PPP2R5A: variants seen among roughly 807,000 people sequenced by gnomAD.
The protein encoded by PPP2R5A is protein phosphatase 2 regulatory subunit B'alpha.
Under a neutral mutation model 64.2 loss-of-function variants are expected in PPP2R5A, and 25 were observed. The observed-to-expected ratio is 0.39, with a 90% CI of 0.28 to 0.54. The LOEUF (loss-of-function observed/expected upper bound fraction) is 0.54, where lower values mean the gene tolerates loss of function less well. Ranked by LOEUF, PPP2R5A falls within the 20% of genes least tolerant of loss-of-function variation. The pLI is 0.67. For synonymous variants in PPP2R5A, 198 were observed against 201.2 expected, an observed-to-expected ratio of 0.98 and a Z score of 0.13; for missense variants, 425 against 576.3, an observed-to-expected ratio of 0.74 and a Z score of 2.69.
At position 212,357,254 on chromosome 1, in the gene PPP2R5A, T is replaced by C; in HGVS notation, c.1196T>C (p.Leu399Ser). ...ATTCTGCCAATTATGTTTGCCAGTT[T>C]GTACAAAATTTCCAAAGAACACTGG... ...DKILPIMFAS[L>S]YKISKEHWNP... The change falls in exon 11 of 13, where the codon TTG (leucine) becomes TCG (serine). Residue 399 changes from leucine (L) to serine (S), a missense_variant. Leu to Ser is a moderately radical substitution (Grantham distance 145). Transcript: ENST00000261461. 1.3e-6 allele frequency: 2 copies of C among 1,588,022 alleles called. No homozygotes were observed. Among genetic ancestry groups the C allele is most frequent in the Non-Finnish European group, 1.7e-6 (2 of 1,172,026 alleles).
At chr1:212,293,319 G>A (rs1283603378) in intron 1 of PPP2R5A, among the ~76,000 whole-genome samples, 1 of 152,224 alleles carries the variant, frequency 6.6e-6, no homozygotes, top group African/African-American at 2.4e-5. Flanking sequence ...ATGGACATGT[G>A]TGTATAAAAT....
At chr1:212,329,412 A>G in intron 2 of PPP2R5A, 81 bp downstream of exon 2, 3 of 1,204,660 alleles carry the variant, frequency 2.5e-6, no homozygotes, top group Non-Finnish European at 3.4e-6. Context: ...CTGATTTTAA[A>G]TAAATGTACA....
chr1:212,327,538 C>A (rs1659426754), intron 1 of PPP2R5A, among the ~76,000 whole-genome samples: 1 of 151,826 alleles, frequency 6.6e-6, no homozygotes. Context: ...CCTCAGCCTT[C>A]CCAGTAGCTG....
chr1:212,353,266 C>T (rs1297928518), intron 8 of PPP2R5A, among the ~76,000 whole-genome samples: 4 of 152,186 alleles, frequency 2.6e-5, no homozygotes, highest in South Asian at 4.1e-4. Flanking sequence ...TCATCAAAGC[C>T]AAGACAGCGA....
At chr1:212,352,004 T>C (rs1219349082) in intron 8 of PPP2R5A, among the ~76,000 whole-genome samples, 1 of 150,040 alleles carries the variant, frequency 6.7e-6, no homozygotes, top group East Asian at 1.9e-4. Context: ...TATTATTTTA[T>C]TTTTATTTTA....
chr1:212,360,401 T>C (rs1183529828), intron 12 of PPP2R5A, among the ~76,000 whole-genome samples: 1 of 152,164 alleles, frequency 6.6e-6, no homozygotes, highest in African/African-American at 2.4e-5. Flanking sequence ...TGATAATGTG[T>C]AGGGGACAGA....
At chr1:212,332,273 C>A (rs951102782) in intron 2 of PPP2R5A, among the ~76,000 whole-genome samples, 3 of 152,220 alleles carry the variant, frequency 2.0e-5, no homozygotes, top group African/African-American at 7.2e-5. Context: ...GATGCCACTT[C>A]ATAAGAATAG....
At chr1:212,353,444 A>G (rs907606717) in intron 8 of PPP2R5A, among the ~76,000 whole-genome samples, 16 of 152,186 alleles carry the variant, frequency 1.1e-4, no homozygotes, top group African/African-American at 3.9e-4. Context: ...TCATGAGATC[A>G]TCATAGAAGT....
intron 1 of PPP2R5A, among the ~76,000 whole-genome samples, chr1:212,320,306 T>C (rs552017035): frequency 1.4e-4 from 21 of 152,338 alleles, no homozygotes; most frequent in African/African-American, 5.1e-4. Flanking sequence ...AGAATGTTTC[T>C]TAGTACAGAA....
rs1401989270 is a variant in PPP2R5A, at chr1:212,304,731, G to GTT, written c.181+18457_181+18458dup. On this transcript the variant is annotated intron_variant, in intron 1 of 12. Transcript: ENST00000261461. ...GTACATGCTACCAAGGCCGGCCCCA[G>GTT]TTTTTTTTTTTTTTTTTTGAGAACA... is the stretch of plus-strand genomic sequence containing the variant. Among the ~76,000 whole-genome samples the GTT allele has an allele frequency of 9.9e-4, 123 of 124,808 alleles. 1 individual carries two copies. The highest frequency in any genetic ancestry group is 2.7e-3 in the East Asian group (11 of 4,090). The allele number at this position is 124,808 out of a possible 152,430, so 81.9% of individuals were successfully genotyped here.
chr1:212,335,591 T>C (rs982430561), intron 3 of PPP2R5A, among the ~76,000 whole-genome samples: 18 of 152,192 alleles, frequency 1.2e-4, no homozygotes, highest in African/African-American at 4.3e-4. Context: ...GTGTAGCACC[T>C]ATACATCCAA....
chr1:212,325,585 T>G (rs936086693), intron 1 of PPP2R5A, among the ~76,000 whole-genome samples: 3 of 152,120 alleles, frequency 2.0e-5, no homozygotes, highest in African/African-American at 7.2e-5. Flanking sequence ...ATCTTAAAAC[T>G]CTTTTAGAAC....
At chr1:212,334,740 T>C (rs2102436250) in intron 3 of PPP2R5A, among the ~76,000 whole-genome samples, 1 of 152,310 alleles carries the variant, frequency 6.6e-6, no homozygotes. Flanking sequence ...GGTTTTCTGA[T>C]GACAAGTTAG....
At chr1:212,354,725 T>TGAGAGA (rs67572683) in intron 8 of PPP2R5A, among the ~76,000 whole-genome samples, 3,130 of 147,074 alleles carry the variant, frequency 0.021, 119 homozygotes, top group African/African-American at 0.074. Context: ...AGAGAAATGT[T>TGAGAGA]GAGAGAGAGA....
At chr1:212,315,722 C>T (rs1237643247) in intron 1 of PPP2R5A, among the ~76,000 whole-genome samples, 1 of 152,088 alleles carries the variant, frequency 6.6e-6, no homozygotes, top group Non-Finnish European at 1.5e-5. Context: ...TTGTATTGTG[C>T]TTCACTGTAT....
chr1:212,327,833 G>A (rs1298631798), intron 1 of PPP2R5A, among the ~76,000 whole-genome samples: 1 of 151,088 alleles, frequency 6.6e-6, no homozygotes, highest in Non-Finnish European at 1.5e-5. Context: ...TGCATTGATT[G>A]ATTGAGATGT....
chr1:212,320,323 C>T (rs570321817), intron 1 of PPP2R5A, among the ~76,000 whole-genome samples: 2 of 152,224 alleles, frequency 1.3e-5, no homozygotes, highest in South Asian at 4.1e-4. Flanking sequence ...AGAACAAAAT[C>T]AAAAGTCTCC....
intron 1 of PPP2R5A, among the ~76,000 whole-genome samples, chr1:212,312,673 T>C (rs1659061740): frequency 6.6e-6 from 1 of 152,174 alleles, no homozygotes. Context: ...TTCCTTGAAA[T>C]AAACAGCTTT....
At chr1:212,329,389 T>C in intron 2 of PPP2R5A, 58 bp downstream of exon 2, 2 of 1,323,398 alleles carry the variant, frequency 1.5e-6, no homozygotes, top group Non-Finnish European at 2.0e-6. Context: ...TGAGGTATAA[T>C]AATGAATTGA....
Sources: gnomAD v4.1 joint callset for allele counts (sites outside exome capture counted in the v4.1 genomes callset) on GRCh38, gnomAD v4.1.1 for gene constraint, MANE v1.5 for transcripts, NCBI Gene and HGNC (gene_info 2026-07-23, HGNC 2026-07-21) for gene names.